The following GOLM2 variants were observed in gnomAD, a reference collection of about 807,000 sequenced individuals.
The protein encoded by GOLM2 is protein GOLM2.
A neutral mutation model predicts 55.9 loss-of-function variants in GOLM2; 26 were observed. The observed-to-expected ratio is 0.47, with a 90% confidence interval of 0.34 to 0.65. The LOEUF is 0.65. Ranked by LOEUF, GOLM2 falls within the 30% of genes least tolerant of loss-of-function variation. GOLM2 has a pLI of 0.01. For synonymous variants in GOLM2, 165 were observed against 194.6 expected (o/e 0.85, Z 1.27); for missense variants, 486 against 531.8 (o/e 0.91, Z 0.85).
intron 6 of GOLM2, among the ~76,000 whole-genome samples, chr15:44,378,354 CTTTT>C (rs372043503): frequency 1.6e-5 from 2 of 125,512 alleles, no homozygotes; most frequent in Non-Finnish European, 1.7e-5. Flanking sequence ...CGCGCCAGGA[CTTTT>C]TTTTTTTTTT....
Position 44,329,116 on chromosome 15 carries a change from C to T in GOLM2, c.485+329C>T, listed in dbSNP as rs537491178. ...AAAGAAGATTTGTGATTCTTTTTGA[C>T]GGACATCCAGAAGATGAAACCAGCA... On this transcript the variant is annotated intron_variant, in intron 3 of 9. Coordinates refer to ENST00000299957, the MANE Select transcript of GOLM2 (RefSeq NM_138423.4). 8.5e-5 allele frequency among the ~76,000 whole-genome samples: 13 copies of T among 152,196 alleles called. No homozygotes were observed. The South Asian group carries it at 1.5e-3, about 17-fold the overall frequency.
At chr15:44,375,644 A>G (rs894789575) in intron 6 of GOLM2, among the ~76,000 whole-genome samples, 1 of 152,072 alleles carries the variant, frequency 6.6e-6, no homozygotes, top group Non-Finnish European at 1.5e-5. Context: ...AGCCAGGTGT[A>G]GTGTTGCATG....
intron 8 of GOLM2, among the ~76,000 whole-genome samples, chr15:44,397,873 A>G (rs2079537971): frequency 1.3e-5 from 2 of 152,192 alleles, no homozygotes; most frequent in Non-Finnish European, 2.9e-5. Context: ...AGGTAGCATT[A>G]ATTATAGTTT....
intron 6 of GOLM2, chr15:44,354,818 C>A: frequency 5.8e-6 from 1 of 172,720 alleles, no homozygotes; most frequent in Admixed American, 5.8e-5. Context: ...ACTCCAGCTA[C>A]ATGGTCTACA....
At chr15:44,297,329 G>A (rs1446063394) in intron 1 of GOLM2, among the ~76,000 whole-genome samples, 7 of 152,076 alleles carry the variant, frequency 4.6e-5, no homozygotes, top group African/African-American at 7.2e-5. Context: ...ACTACATCAG[G>A]TTAGAATTCT....
intron 6 of GOLM2, among the ~76,000 whole-genome samples, chr15:44,370,311 T>A (rs1391982852): frequency 1.3e-5 from 2 of 152,236 alleles, no homozygotes; most frequent in Admixed American, 6.5e-5. Context: ...ATGCTTTGGT[T>A]TTTTGCTTCA....
chr15:44,415,289 G>A lies in GOLM2; in HGVS notation c.*1883G>A, dbSNP rs1342047477. ...TTTTAAAATAGAGTTAAAGGGAAGTGATGTACATTTCGGGGGCATTAGGGT... is the reference window on the plus strand; with the variant it reads ...TTTTAAAATAGAGTTAAAGGGAAGTAATGTACATTTCGGGGGCATTAGGGT... On this transcript the variant is annotated 3_prime_UTR_variant, in exon 10 of 10. Coordinates refer to ENST00000299957, the MANE Select transcript of GOLM2 (RefSeq NM_138423.4). 1 of 152,644 alleles carries A rather than the reference G, an allele frequency of 6.6e-6. No individual in the cohort carries two copies. The highest frequency in any genetic ancestry group is 1.5e-5 in the Non-Finnish European group (1 of 68,036). The allele number at this position is 152,644 out of a possible 1,614,324, so 9.5% of individuals were successfully genotyped here.
At chr15:44,303,622 G>A (rs1009967445) in intron 1 of GOLM2, among the ~76,000 whole-genome samples, 13 of 151,972 alleles carry the variant, frequency 8.6e-5, no homozygotes, top group African/African-American at 2.9e-4. Context: ...CTAAACTGCA[G>A]TGGCATGATC....
chr15:44,344,349 G>A (rs1168879782), intron 6 of GOLM2, among the ~76,000 whole-genome samples: 1 of 150,964 alleles, frequency 6.6e-6, no homozygotes, highest in African/African-American at 2.4e-5. Flanking sequence ...CATGTGCCTA[G>A]GGTTAGCATT....
intron 1 of GOLM2, among the ~76,000 whole-genome samples, chr15:44,301,617 T>C (rs555672439): frequency 3.9e-4 from 59 of 152,202 alleles, no homozygotes; most frequent in African/African-American, 1.4e-3. Flanking sequence ...AGAGTTTTAG[T>C]TGAGTCCTAA....
At chr15:44,395,281 T>TA (rs1352108719) in intron 8 of GOLM2, among the ~76,000 whole-genome samples, 1 of 151,822 alleles carries the variant, frequency 6.6e-6, no homozygotes, top group East Asian at 1.9e-4. Context: ...GTGCTGGTAT[T>TA]ACAAGCGTGA....
At chr15:44,317,925 A>G (rs1459469353) in intron 1 of GOLM2, among the ~76,000 whole-genome samples, 1 of 152,146 alleles carries the variant, frequency 6.6e-6, no homozygotes, top group Non-Finnish European at 1.5e-5. Flanking sequence ...AATCAATTCC[A>G]CAAGACTATT....
At chr15:44,360,910 C>T (rs1307701885) in intron 6 of GOLM2, among the ~76,000 whole-genome samples, 9 of 151,892 alleles carry the variant, frequency 5.9e-5, no homozygotes, top group African/African-American at 1.7e-4. Flanking sequence ...CACTCAAAAC[C>T]GCTCAACTAC....
chr15:44,358,895 G>A (rs757723461), intron 6 of GOLM2, among the ~76,000 whole-genome samples: 1 of 152,160 alleles, frequency 6.6e-6, no homozygotes, highest in African/African-American at 2.4e-5. Flanking sequence ...GGTGGCTCAC[G>A]CCTGTAATGC....
At chr15:44,294,066 C>A (rs1403639452) in intron 1 of GOLM2, among the ~76,000 whole-genome samples, 2 of 152,088 alleles carry the variant, frequency 1.3e-5, no homozygotes, top group East Asian at 3.8e-4. Flanking sequence ...TGGAGAGCTC[C>A]TTCATTAACT....
At chr15:44,357,733 A>T (rs1595645655) in intron 6 of GOLM2, among the ~76,000 whole-genome samples, 1 of 152,210 alleles carries the variant, frequency 6.6e-6, no homozygotes. Flanking sequence ...TACAAAAGTT[A>T]ATCACTTTTC....
intron 1 of GOLM2, among the ~76,000 whole-genome samples, chr15:44,297,796 C>T (rs2078767630): frequency 6.6e-6 from 1 of 150,704 alleles, no homozygotes; most frequent in Non-Finnish European, 1.5e-5. Context: ...TCTTGATCTC[C>T]TGACCTCATG....
Position 44,322,953 on chromosome 15 carries a change from A to AT in GOLM2, c.328-4dup. ...TATTTTTTAGTAAAATGAGAACTTAATTTTTTTTCAGGTTAAACTACAGAA... is the reference window on the plus strand; with the variant it reads ...TATTTTTTAGTAAAATGAGAACTTAATTTTTTTTTCAGGTTAAACTACAGAA... On this transcript the variant is annotated splice_polypyrimidine_tract_variant and intron_variant, in intron 1 of 9. Coordinates refer to ENST00000299957, the MANE Select transcript of GOLM2 (RefSeq NM_138423.4). The AT allele has an allele frequency of 1.6e-5, 25 of 1,550,168 alleles. No individual in the cohort carries two copies. The highest frequency in any genetic ancestry group is 4.0e-5 in the Admixed American group (2 of 49,626).
At chr15:44,306,975 C>A (rs2141116114) in intron 1 of GOLM2, among the ~76,000 whole-genome samples, 1 of 152,122 alleles carries the variant, frequency 6.6e-6, no homozygotes, top group Non-Finnish European at 1.5e-5. Flanking sequence ...TCACAGATCA[C>A]CATGACAGAT....
Sources: allele counts gnomAD v4.1 joint callset (sites outside exome capture counted in the v4.1 genomes callset), GRCh38; gene constraint gnomAD v4.1.1; transcripts MANE v1.5; gene names NCBI Gene and HGNC (gene_info 2026-07-23, HGNC 2026-07-21).